TENM4: variants seen among roughly 807,000 people sequenced by gnomAD.
TENM4 encodes the protein teneurin-4.
TENM4 carries 82 observed loss-of-function variants against 243.3 expected under a neutral mutation model. The observed-to-expected ratio is 0.34, with a 90% confidence interval of 0.28 to 0.40. The LOEUF (loss-of-function observed/expected upper bound fraction) is 0.40. Ranked by LOEUF, TENM4 falls within the 10% of genes least tolerant of loss-of-function variation. The pLI is 1.00. For missense variants in TENM4, 3,138 were observed against 3,673.3 expected, an observed-to-expected ratio of 0.85 and a Z score of 3.77; for synonymous variants, 1,412 against 1,456.3, an observed-to-expected ratio of 0.97 and a Z score of 0.69.
At chr11:79,002,421 A>C (rs1304638740) in intron 6 of TENM4, among the ~76,000 whole-genome samples, 8 of 152,222 alleles carry the variant, frequency 5.3e-5, no homozygotes, top group Non-Finnish European at 1.0e-4. Context: ...TGTTGTGGCC[A>C]GTGAACTGGG....
intron 6 of TENM4, among the ~76,000 whole-genome samples, chr11:78,923,357 G>A (rs550643535): frequency 6.6e-6 from 1 of 152,078 alleles, no homozygotes; most frequent in African/African-American, 2.4e-5. Flanking sequence ...CTTTTCCCTT[G>A]AGTAACAACA....
intron 3 of TENM4, among the ~76,000 whole-genome samples, chr11:79,181,039 T>C (rs992033564): frequency 5.9e-5 from 9 of 152,158 alleles, no homozygotes; most frequent in African/African-American, 2.2e-4. Context: ...ACCAATTATC[T>C]ACAATGTCTT....
chr11:78,891,149 G>C, intron 8 of TENM4, 89 bp downstream of exon 8: 1 of 1,223,992 alleles, frequency 8.2e-7, no homozygotes. Flanking sequence ...TCCCCCAGAA[G>C]ATCCCAGGGA....
chr11:79,288,279 T>C (rs1856292295), intron 2 of TENM4, among the ~76,000 whole-genome samples: 2 of 152,204 alleles, frequency 1.3e-5, no homozygotes, highest in African/African-American at 4.8e-5. Context: ...CAAAGTCTCC[T>C]TACCACTGGA....
intron 18 of TENM4, among the ~76,000 whole-genome samples, chr11:78,768,491 G>A (rs745874406): frequency 3.3e-5 from 5 of 152,146 alleles, no homozygotes; most frequent in Non-Finnish European, 7.4e-5. Context: ...ATTACTTGCT[G>A]TTTCTCTCTC....
Position 78,656,417 on chromosome 11 carries a change from A to G in TENM4, c.*1641T>C, listed in dbSNP as rs1375000931. The G allele has an allele frequency of 1.3e-5, 2 of 152,204 alleles. No individual in the cohort carries two copies. Among genetic ancestry groups the G allele is most frequent in the African/African-American group, 4.8e-5 (2 of 41,446 alleles). The allele number at this position is 152,204 out of a possible 1,614,324, so 9.4% of individuals were successfully genotyped here. ...AGAGCCTCCTGTGAGTGGTAATGAC[A>G]ATGGTAATTAGGCGGATGAACCAGG... On this transcript the variant is annotated 3_prime_UTR_variant, in exon 34 of 34. Transcript: ENST00000278550.
chr11:79,421,841 T>C (rs974545033), intron 1 of TENM4, among the ~76,000 whole-genome samples: 17 of 152,308 alleles, frequency 1.1e-4, no homozygotes, highest in African/African-American at 3.8e-4. Context: ...ACTTTAATTA[T>C]GAGAGGCAGC....
chr11:78,766,362 A>G (rs1352519191), intron 18 of TENM4, among the ~76,000 whole-genome samples: 1 of 152,252 alleles, frequency 6.6e-6, no homozygotes, highest in Non-Finnish European at 1.5e-5. Context: ...TGAAATGGGC[A>G]TGAATAAACA....
At chr11:79,322,363 T>G (rs1026334019) in intron 1 of TENM4, among the ~76,000 whole-genome samples, 6 of 152,212 alleles carry the variant, frequency 3.9e-5, no homozygotes, top group African/African-American at 1.4e-4. Flanking sequence ...ATTCTTAATT[T>G]TTGAAAATGA....
intron 1 of TENM4, among the ~76,000 whole-genome samples, chr11:79,320,111 C>G (rs1856863482): frequency 6.6e-6 from 1 of 152,180 alleles, no homozygotes; most frequent in African/African-American, 2.4e-5. Flanking sequence ...TTCATGGGTT[C>G]CCCTTCCTCT....
intron 26 of TENM4, among the ~76,000 whole-genome samples, chr11:78,709,818 G>A (rs185333693): frequency 1.8e-4 from 28 of 152,298 alleles, no homozygotes; most frequent in Admixed American, 2.6e-4. Flanking sequence ...CTGGAAATAC[G>A]AATTCAGCGG....
At chr11:79,366,332 G>A (rs1565316805) in intron 1 of TENM4, among the ~76,000 whole-genome samples, 1 of 152,208 alleles carries the variant, frequency 6.6e-6, no homozygotes, top group Non-Finnish European at 1.5e-5. Flanking sequence ...AAAGGCCCTT[G>A]GAATAAACTT....
chr11:79,053,041 C>T (rs1212659215), intron 6 of TENM4, among the ~76,000 whole-genome samples: 5 of 152,216 alleles, frequency 3.3e-5, no homozygotes, highest in African/African-American at 7.2e-5. Flanking sequence ...ATCTTTGCCT[C>T]AGCTCTGCTT....
chr11:78,932,582 CTG>C (rs1239073066), intron 6 of TENM4, among the ~76,000 whole-genome samples: 6 of 152,188 alleles, frequency 3.9e-5, no homozygotes, highest in South Asian at 2.1e-4. Context: ...AAAAAATTCT[CTG>C]TTGCAGTTTC....
intron 19 of TENM4, among the ~76,000 whole-genome samples, chr11:78,745,939 A>G (rs984531712): frequency 6.6e-6 from 1 of 152,114 alleles, no homozygotes; most frequent in Non-Finnish European, 1.5e-5. Context: ...CAAACCAGTA[A>G]AACTTGATCT....
chr11:78,789,225 C>T (rs2136044518), intron 15 of TENM4, among the ~76,000 whole-genome samples: 1 of 152,240 alleles, frequency 6.6e-6, no homozygotes, highest in African/African-American at 2.4e-5. Context: ...TTCACCACAC[C>T]CCACTTAGCC....
chr11:79,384,992 C>T (rs1053936270), intron 1 of TENM4, among the ~76,000 whole-genome samples: 2 of 71,114 alleles, frequency 2.8e-5, no homozygotes, highest in African/African-American at 1.1e-4. Flanking sequence ...TGGTCAGGAG[C>T]CACCCTTTCA....
chr11:79,353,164 C>G (rs1408695261), intron 1 of TENM4, among the ~76,000 whole-genome samples: 1 of 152,160 alleles, frequency 6.6e-6, no homozygotes, highest in African/African-American at 2.4e-5. Flanking sequence ...CACGAGGCAC[C>G]AATGAGAAAT....
intron 1 of TENM4, among the ~76,000 whole-genome samples, chr11:79,413,396 G>A (rs1045549739): frequency 6.6e-6 from 1 of 152,202 alleles, no homozygotes; most frequent in Non-Finnish European, 1.5e-5. Context: ...CCAGCAAGAA[G>A]CTAGGCAGCT....
Sources: allele counts gnomAD v4.1 joint callset (sites outside exome capture counted in the v4.1 genomes callset), GRCh38; gene constraint gnomAD v4.1.1; transcripts MANE v1.5; gene names NCBI Gene and HGNC (gene_info 2026-07-23, HGNC 2026-07-21).